TMEM132B: variants seen among roughly 807,000 people sequenced by gnomAD.
TMEM132B encodes the protein transmembrane protein 132B.
A neutral mutation model predicts 90.8 loss-of-function variants in TMEM132B; 18 were observed. The ratio of observed to expected loss-of-function variants is 0.20; its 90% confidence interval spans 0.14 to 0.29. The LOEUF (loss-of-function observed/expected upper bound fraction) is 0.29. TMEM132B is among the 10% of genes least tolerant of loss of function. TMEM132B has a pLI of 1.00. For synonymous variants in TMEM132B, 504 were observed against 523.3 expected (o/e 0.96, Z 0.50); for missense variants, 1,096 against 1,326.8 (o/e 0.83, Z 2.70).
At chr12:125,377,091 C>T (rs7960063) in intron 2 of TMEM132B, among the ~76,000 whole-genome samples, 19,602 of 152,226 alleles carry the variant, frequency 0.13, 1,457 homozygotes, top group South Asian at 0.2. Context: ...CTGCGTTTCC[C>T]CAGTGCTGCT....
At chr12:125,240,087 C>T (rs182605882) in intron 1 of TMEM132B, among the ~76,000 whole-genome samples, 28 of 152,318 alleles carry the variant, frequency 1.8e-4, no homozygotes, top group African/African-American at 5.1e-4. Flanking sequence ...GGGTCGTTTC[C>T]GGAACGTTGA....
rs376244815 is a variant in TMEM132B at position 125,636,735 on chromosome 12, A to G, written c.1438-7341A>G. 5.9e-5 allele frequency among the ~76,000 whole-genome samples: 9 copies of G among 152,222 alleles called. No homozygotes were observed. In the East Asian group the frequency reaches 9.6e-4, roughly 16 times the overall value. ...ACTTTTGTCCCATACGGGAAATAGAAGAGATGAAACTGCGGAAATTTATCA... is the reference window on the plus strand; with the variant it reads ...ACTTTTGTCCCATACGGGAAATAGAGGAGATGAAACTGCGGAAATTTATCA... On this transcript the variant is annotated intron_variant, in intron 5 of 8. Coordinates refer to ENST00000682704, the MANE Select transcript of TMEM132B (RefSeq NM_001366854.1).
chr12:125,218,769 G>GTTTTTTTTTTTTTTTTTTTTTTTTTT (rs34905706), intron 1 of TMEM132B, among the ~76,000 whole-genome samples: 1 of 108,854 alleles, frequency 9.2e-6, no homozygotes, highest in African/African-American at 3.5e-5. Context: ...TGTTGAAGCT[G>GTTTTTTTTTTTTTTTTTTTTTTTTTT]TTTTTTTTTT....
chr12:125,492,035 G>T lies in TMEM132B; in HGVS notation c.1107-27404G>T, dbSNP rs919361658. 1.4e-4 allele frequency among the ~76,000 whole-genome samples: 22 copies of T among 152,106 alleles called. No individual in the cohort carries two copies. Among genetic ancestry groups the T allele is most frequent in the Admixed American group, 1.2e-3 (18 of 15,286 alleles). On this transcript the variant is annotated intron_variant, in intron 3 of 8. Transcript: ENST00000682704. This position sits in a 1 kb window ranked among gnomAD's most constrained non-coding sequence, Gnocchi z 5.8. ...CCAAGTTCATAAATTGGATTTTCAG[G>T]GTATTACTGGAAAAGGGGAAAATTT...
intron 3 of TMEM132B, among the ~76,000 whole-genome samples, chr12:125,448,546 C>T (rs1334542555): frequency 1.3e-5 from 2 of 152,124 alleles, no homozygotes; most frequent in African/African-American, 4.8e-5. Flanking sequence ...ATTCAACTTC[C>T]CCATCCCAGT....
At chr12:125,539,639 C>G (rs1389608982) in intron 4 of TMEM132B, among the ~76,000 whole-genome samples, 1 of 152,204 alleles carries the variant, frequency 6.6e-6, no homozygotes, top group African/African-American at 2.4e-5. Flanking sequence ...TGAACTTTGA[C>G]ATGCAGTCAT....
Position 125,514,925 on chromosome 12 carries a change from C to A in TMEM132B, c.1107-4514C>A, listed in dbSNP as rs867458833. Among the ~76,000 whole-genome samples the A allele has an allele frequency of 3.3e-5, 5 of 152,312 alleles. No individual in the cohort carries two copies. The Middle Eastern group carries it at 0.014, about 414-fold the overall frequency. On this transcript the variant is annotated intron_variant, in intron 3 of 8. Coordinates refer to ENST00000682704, the MANE Select transcript of TMEM132B (RefSeq NM_001366854.1). The stretch of plus-strand genomic sequence containing the variant: ...CTGGCACGACTGAGCTGCAGCCACA[C>A]TGTGCACTAAAAGGTGCCTCAGCCC...
chr12:125,469,086 C>T (rs1491902), intron 3 of TMEM132B, among the ~76,000 whole-genome samples: 84,524 of 152,042 alleles, frequency 0.56, 24,756 homozygotes, highest in African/African-American at 0.75. Context: ...TCTTGCCTAA[C>T]TGCTCTGTCT....
At chr12:125,339,798 C>T (rs986544535) in intron 1 of TMEM132B, among the ~76,000 whole-genome samples, 4 of 152,030 alleles carry the variant, frequency 2.6e-5, no homozygotes, top group African/African-American at 9.7e-5. Context: ...ATTTGCACCC[C>T]CCAATGGCCT....
At chr12:125,597,393 T>C (rs1203612417) in intron 5 of TMEM132B, among the ~76,000 whole-genome samples, 1 of 152,182 alleles carries the variant, frequency 6.6e-6, no homozygotes, top group Non-Finnish European at 1.5e-5. Context: ...TGTTCATCTC[T>C]TGGATAGGTG....
At chr12:125,225,819 G>A (rs753207039) in intron 1 of TMEM132B, among the ~76,000 whole-genome samples, 5 of 152,094 alleles carry the variant, frequency 3.3e-5, no homozygotes, top group African/African-American at 1.2e-4. Context: ...TCTTACTTGC[G>A]TTCCATTAAT....
chr12:125,314,470 G>C (rs936716953), intron 1 of TMEM132B, among the ~76,000 whole-genome samples: 4 of 152,184 alleles, frequency 2.6e-5, no homozygotes, highest in African/African-American at 9.7e-5. Flanking sequence ...GTGTTCCTGT[G>C]GGCCCCAGAG....
At chr12:125,646,138 T>C (rs1336504773) in intron 6 of TMEM132B, among the ~76,000 whole-genome samples, 1 of 152,058 alleles carries the variant, frequency 6.6e-6, no homozygotes, top group Non-Finnish European at 1.5e-5. Context: ...GTGAGGAGCA[T>C]GGATTCTGGT....
chr12:125,282,445 G>A (rs1370826087), intron 1 of TMEM132B, among the ~76,000 whole-genome samples: 1 of 152,150 alleles, frequency 6.6e-6, no homozygotes, highest in East Asian at 1.9e-4. Flanking sequence ...ACCAAAGGAT[G>A]CCATCTGTTT....
At chr12:125,481,278 A>G (rs1882035990) in intron 3 of TMEM132B, among the ~76,000 whole-genome samples, 1 of 152,238 alleles carries the variant, frequency 6.6e-6, no homozygotes, top group Non-Finnish European at 1.5e-5. Flanking sequence ...AGAGAAAGAA[A>G]GAAAGGGTAT....
intron 5 of TMEM132B, among the ~76,000 whole-genome samples, chr12:125,620,015 G>A (rs1886082274): frequency 6.6e-6 from 1 of 152,108 alleles, no homozygotes; most frequent in African/African-American, 2.4e-5. Flanking sequence ...GTCATTCTGG[G>A]ACTTCTGTTT....
At chr12:125,642,112 T>G (rs917539805) in intron 5 of TMEM132B, among the ~76,000 whole-genome samples, 2 of 152,222 alleles carry the variant, frequency 1.3e-5, no homozygotes, top group Non-Finnish European at 2.9e-5. Context: ...AGCCTTCACC[T>G]TCTCCTAGTG....
chr12:125,255,115 G>A (rs1321433268), intron 1 of TMEM132B, among the ~76,000 whole-genome samples: 1 of 152,168 alleles, frequency 6.6e-6, no homozygotes, highest in African/African-American at 2.4e-5. Context: ...GCATTTCAGT[G>A]GGGGTTGCCG....
At position 125,277,467 on chromosome 12, in the gene TMEM132B, A is replaced by G. The variant is rs1162638504; in HGVS notation, c.68-71985A>G. ...TCACTCTATGTGGGCAACAAGAGCA[A>G]GACTCTGTCTCAAAAAAAAAAGATG... On this transcript the variant is annotated intron_variant, in intron 1 of 8. Transcript: ENST00000682704. This position sits in a 1 kb window ranked among gnomAD's most constrained non-coding sequence, Gnocchi z 4.3. Among the ~76,000 whole-genome samples, 1 of 136,450 alleles carries G rather than the reference A, an allele frequency of 7.3e-6. No individual in the cohort carries two copies. Among genetic ancestry groups the G allele is most frequent in the Non-Finnish European group, 1.6e-5 (1 of 64,000 alleles). The allele number at this position is 136,450 out of a possible 152,430, so 89.5% of individuals were successfully genotyped here.
Sources: allele counts gnomAD v4.1 joint callset (sites outside exome capture counted in the v4.1 genomes callset), GRCh38; gene constraint gnomAD v4.1.1; non-coding constraint Gnocchi (gnomAD v3.1); transcripts MANE v1.5; gene names NCBI Gene and HGNC (gene_info 2026-07-23, HGNC 2026-07-21).